The following RAD18 variants were observed in gnomAD, a reference collection of about 807,000 sequenced individuals.
RAD18 encodes E3 ubiquitin-protein ligase RAD18.
Under a neutral mutation model 60.4 loss-of-function variants are expected in RAD18, and 47 were observed. That is an observed-to-expected ratio of 0.78 (90% CI 0.62 to 0.99). The LOEUF (loss-of-function observed/expected upper bound fraction) is 0.99. Among genes scored for constraint, RAD18 ranks in the 50% least tolerant of loss-of-function variants. The pLI is 0.00. For missense variants in RAD18, 640 were observed against 593.3 expected, an observed-to-expected ratio of 1.08 and a Z score of -0.82; for synonymous variants, 225 against 195.5, an observed-to-expected ratio of 1.15 and a Z score of -1.26.
chr3:8,921,300 C>T (rs1940315696), intron 7 of RAD18, among the ~76,000 whole-genome samples: 1 of 152,140 alleles, frequency 6.6e-6, no homozygotes, highest in Admixed American at 6.5e-5. Flanking sequence ...AAAATTAAGA[C>T]TTTTTCAGAC....
Position 8,912,380 on chromosome 3 carries a change from A to C in RAD18, c.967-8T>G, listed in dbSNP as rs769662100. 3.3e-6 allele frequency: 5 copies of C among 1,527,432 alleles called. No individual in the cohort carries two copies. Among genetic ancestry groups the C allele is most frequent in the Admixed American group, 4.4e-5 (2 of 45,234 alleles). 94.6% of individuals were successfully genotyped at this position (1,527,432 alleles called of 1,614,324 possible). ...CTTTGTAAAAACCATTACCTAAAAT[A>C]ATCAAAAAAAGACCTTAATAAAAAT... On this transcript the variant is annotated splice_region_variant and splice_polypyrimidine_tract_variant and intron_variant, in intron 8 of 12. Transcript: ENST00000264926.
intron 7 of RAD18, among the ~76,000 whole-genome samples, chr3:8,928,017 A>T (rs191246420): frequency 7.3e-5 from 11 of 150,850 alleles, no homozygotes; most frequent in African/African-American, 2.7e-4. Flanking sequence ...TATGTAACAA[A>T]CCTGCACGTT....
At chr3:8,941,900 T>C (rs1940753959) in intron 4 of RAD18, 96 bp from the exon 5 acceptor site, 1 of 1,149,820 alleles carries the variant, frequency 8.7e-7, no homozygotes, top group Non-Finnish European at 1.2e-6. Flanking sequence ...CCTTGTTTTC[T>C]GAAATACAGG....
At chr3:8,921,157 T>C (rs1940312807) in intron 7 of RAD18, among the ~76,000 whole-genome samples, 1 of 151,928 alleles carries the variant, frequency 6.6e-6, no homozygotes, top group Non-Finnish European at 1.5e-5. Context: ...AGGAACAGAG[T>C]AATTCATAAA....
chr3:8,956,467 A>G (rs541197051), intron 2 of RAD18, among the ~76,000 whole-genome samples: 8 of 152,326 alleles, frequency 5.3e-5, no homozygotes, highest in African/African-American at 1.9e-4. Context: ...TACTTAGAAC[A>G]GAGTGCAATT....
At chr3:8,958,737 T>C (rs1484022372) in intron 2 of RAD18, among the ~76,000 whole-genome samples, 183 bp downstream of exon 2, 1 of 152,212 alleles carries the variant, frequency 6.6e-6, no homozygotes, top group Non-Finnish European at 1.5e-5. Flanking sequence ...GTAGAAAATA[T>C]AGAAGCCTTG....
chr3:8,927,149 C>G (rs1002150725), intron 7 of RAD18, among the ~76,000 whole-genome samples: 2 of 152,150 alleles, frequency 1.3e-5, no homozygotes, highest in African/African-American at 4.8e-5. Flanking sequence ...AAAATTTTTG[C>G]AATCTACTCA....
rs1396869356 is a variant in RAD18 at position 8,908,411 on chromosome 3, G to C, written c.1027+3901C>G. On this transcript the variant is annotated intron_variant, in intron 9 of 12. Transcript: ENST00000264926. ...CAATATGACTGATATGTTTATAAAA[G>C]GGGGAAATTTGGACACAGAGACAAC... Among the ~76,000 whole-genome samples the C allele has an allele frequency of 2.0e-5, 3 of 151,992 alleles. No homozygotes were observed. In the East Asian group the frequency reaches 5.8e-4, roughly 29 times the overall value.
intron 11 of RAD18, among the ~76,000 whole-genome samples, chr3:8,894,584 G>A (rs7617262): frequency 0.24 from 36,162 of 151,856 alleles, 7,418 homozygotes; most frequent in African/African-American, 0.56. Flanking sequence ...TGGCTGAGCT[G>A]ACCTCCCACA....
chr3:8,960,470 G>A (rs1941079183), intron 1 of RAD18, among the ~76,000 whole-genome samples: 1 of 152,038 alleles, frequency 6.6e-6, no homozygotes, highest in African/African-American at 2.4e-5. Flanking sequence ...CCTATTACCT[G>A]AATTTTAAAA....
intron 7 of RAD18, among the ~76,000 whole-genome samples, chr3:8,926,409 G>A (rs76211423): frequency 0.69 from 105,108 of 152,074 alleles, 36,869 homozygotes; most frequent in Middle Eastern, 0.77. Flanking sequence ...AAATAAAACA[G>A]GATACAAACA....
At chr3:8,888,137 C>A (rs1939610452) in intron 12 of RAD18, among the ~76,000 whole-genome samples, 1 of 152,204 alleles carries the variant, frequency 6.6e-6, no homozygotes, top group African/African-American at 2.4e-5. Flanking sequence ...AAGCACTTCC[C>A]TTGTTCCTGT....
Position 8,879,013 on chromosome 3 carries a change from AC to A in RAD18, c.*2343del, listed in dbSNP as rs1939412273. The A allele has an allele frequency of 6.6e-6, 1 of 152,242 alleles. No homozygotes were observed. The highest frequency in any genetic ancestry group is 2.1e-4 in the South Asian group (1 of 4,830). The allele number at this position is 152,242 out of a possible 1,614,324, so 9.4% of individuals were successfully genotyped here. A position where few individuals can be genotyped will look rare whatever the true frequency, so the allele number is the denominator to read the frequency against. On this transcript the variant is annotated 3_prime_UTR_variant, in exon 13 of 13. Coordinates refer to ENST00000264926, the MANE Select transcript of RAD18 (RefSeq NM_020165.4). ...ATCTTTGTCAGATGGATATGAACATACATTTCTTTCAATGTATGAATATTAA... is the reference window on the plus strand; with the variant it reads ...ATCTTTGTCAGATGGATATGAACATAATTTCTTTCAATGTATGAATATTAA...
At chr3:8,916,493 A>G (rs905101415) in intron 7 of RAD18, among the ~76,000 whole-genome samples, 6 of 152,162 alleles carry the variant, frequency 3.9e-5, no homozygotes, top group African/African-American at 1.2e-4. Context: ...AAAGTCTGGC[A>G]CCTCAGACTC....
Position 8,963,378 on chromosome 3 carries a change from G to C in RAD18, c.8C>G (p.Ser3Cys). MD[S>C]LAESRWPPGL... ...CGGAGGCCACCGAGACTCGGCCAGG[G>C]AGTCCATGGTCGCTCCCGAGGATGC... The change falls in exon 1 of 13, where the codon TCC (serine) becomes TGC (cysteine). Residue 3 changes from serine (S) to cysteine (C), a missense_variant. Transcript: ENST00000264926. 1.2e-6 allele frequency: 2 copies of C among 1,609,336 alleles called. No homozygotes were observed. The highest frequency in any genetic ancestry group is 2.7e-5 in the African/African-American group (2 of 74,722).
At chr3:8,936,113 A>T (rs1940649090) in intron 6 of RAD18, 58 bp from the exon 7 acceptor site, 4 of 1,370,556 alleles carry the variant, frequency 2.9e-6, no homozygotes, top group Middle Eastern at 4.4e-4. Flanking sequence ...CTTTTCATGT[A>T]AAATGGCAAA....
chr3:8,881,605 T>A (rs1250605708), intron 12 of RAD18, 146 bp from the exon 13 acceptor site: 6 of 631,688 alleles, frequency 9.5e-6, no homozygotes, highest in African/African-American at 1.9e-5. Flanking sequence ...ATTGTTATTA[T>A]TAGTATTTCC....
chr3:8,890,579 G>A (rs944739663), intron 11 of RAD18, 128 bp from the exon 12 acceptor site: 1 of 624,476 alleles, frequency 1.6e-6, no homozygotes. Flanking sequence ...ACCAGTAAGA[G>A]GAAGGAGGGA....
At chr3:8,959,521 A>T (rs1941062800) in intron 1 of RAD18, among the ~76,000 whole-genome samples, 1 of 152,214 alleles carries the variant, frequency 6.6e-6, no homozygotes, top group Non-Finnish European at 1.5e-5. Context: ...TCAAGCCAAG[A>T]CCAAAATTCC....
Sources: gnomAD v4.1 joint callset for allele counts (sites outside exome capture counted in the v4.1 genomes callset) on GRCh38, gnomAD v4.1.1 for gene constraint, MANE v1.5 for transcripts, NCBI Gene and HGNC (gene_info 2026-07-23, HGNC 2026-07-21) for gene names.